Variants in CELSR2 observed in about 807,000 individuals in gnomAD.
The protein encoded by CELSR2 is EGF-like protein 2.
Under a neutral mutation model 251.6 loss-of-function variants are expected in CELSR2, and 81 were observed. That is an observed-to-expected ratio of 0.32 (90% confidence interval 0.27 to 0.39). The LOEUF is 0.39. Ranked by LOEUF, CELSR2 falls within the 10% of genes least tolerant of loss-of-function variation. CELSR2 has a pLI of 1.00. For synonymous variants in CELSR2, 1,721 were observed against 1,670.5 expected, an observed-to-expected ratio of 1.03 and a Z score of -0.74; for missense variants, 3,365 against 3,947.7, an observed-to-expected ratio of 0.85 and a Z score of 3.96.
In CELSR2 at chr1:109,261,283, G is replaced by A; in HGVS notation, c.4181+19G>A. On this transcript the variant is annotated intron_variant, in intron 3 of 33. Transcript: ENST00000271332. This position sits in a 1 kb window ranked among gnomAD's most constrained non-coding sequence, Gnocchi z 4.8. ...CCCTCTCGTGAGTGGCTGGGCACTG[G>A]GGGTGGGGAGTGGGCCTGGTGGGCA... The A allele has an allele frequency of 1.9e-6, 3 of 1,607,674 alleles. No homozygotes were observed. Among genetic ancestry groups the A allele is most frequent in the East Asian group, 2.2e-5 (1 of 44,834 alleles).
intron 8 of CELSR2, 28 bp downstream of exon 8, chr1:109,263,295 A>G (rs1165216335): frequency 6.4e-7 from 1 of 1,553,702 alleles, no homozygotes; most frequent in East Asian, 2.3e-5. Flanking sequence ...TAGAGGCCAC[A>G]GCCTGGGTGC....
At chr1:109,266,389 C>T (rs1656187591) in intron 15 of CELSR2, 183 bp downstream of exon 15, 2 of 678,380 alleles carry the variant, frequency 2.9e-6, no homozygotes, top group East Asian at 2.9e-5. Flanking sequence ...GGTGTGCCTA[C>T]ATCTTGGACT....
chr1:109,272,845 A>G lies in CELSR2; in HGVS notation c.8156A>G (p.Asp2719Gly), dbSNP rs757536847. Reference protein sequence around the residue: ...GQDQQHDPDTDSDSDLSLEDD... With the variant: ...GQDQQHDPDTGSDSDLSLEDD... ...CCTGGCCTCCTAGATCCTGACACGGACTCCGACAGTGACCTGTCCTTAGAA... is the reference window on the plus strand; with the variant it reads ...CCTGGCCTCCTAGATCCTGACACGGGCTCCGACAGTGACCTGTCCTTAGAA... The change falls in exon 31 of 34, where the codon GAC becomes GGC. Residue 2719 changes from aspartate (D) to glycine (G), a missense_variant. Asp to Gly is a moderately conservative substitution (Grantham distance 94). Transcript: ENST00000271332. 21 of 1,612,786 alleles carry G rather than the reference A, an allele frequency of 1.3e-5. No individual in the cohort carries two copies. The highest frequency in any genetic ancestry group is 1.8e-5 in the Non-Finnish European group (21 of 1,179,326).
chr1:109,270,791 A>G lies in CELSR2; in HGVS notation c.7484-136A>G. 4 of 990,252 alleles carry G rather than the reference A, an allele frequency of 4.0e-6. No individual in the cohort carries two copies. In the East Asian group the frequency reaches 9.7e-5, roughly 24 times the overall value. 61.3% of individuals were successfully genotyped at this position (990,252 alleles called of 1,614,324 possible). A position where few individuals can be genotyped will look rare whatever the true frequency, so the allele number is the denominator to read the frequency against. Reference sequence around the variant, plus strand: ...CAGGCGTCACTCCCTTATCCTGGGGAGATCGGTAGGGGCCGATGGTGGGCA... The same window carrying G: ...CAGGCGTCACTCCCTTATCCTGGGGGGATCGGTAGGGGCCGATGGTGGGCA... On this transcript the variant is annotated intron_variant, in intron 24 of 33. Coordinates refer to ENST00000271332, the MANE Select transcript of CELSR2 (RefSeq NM_001408.3).
chr1:109,263,191 G>C lies in CELSR2; in HGVS notation c.4758G>C (p.Gly1586=), dbSNP rs746382176. 1.6e-5 allele frequency: 25 copies of C among 1,600,344 alleles called. No individual in the cohort carries two copies. The East Asian group carries it at 4.3e-4, about 27-fold the overall frequency. Residue 1586 remains glycine (G), a synonymous_variant, in exon 8 of 34, where the codon GGG becomes GGC. Coordinates refer to ENST00000271332, the MANE Select transcript of CELSR2 (RefSeq NM_001408.3). ...NVCDSNTCHN[G]GTCVNQWDAF... ...GTGACAGCAACACTTGCCACAATGG[G>C]GGCACTTGCGTGAACCAGTGGGACG... is the stretch of plus-strand genomic sequence containing the variant.
rs938856010 is a variant in CELSR2 at position 109,252,289 on chromosome 1, C to G, written c.2210C>G (p.Thr737Arg). Reference protein sequence around the residue: ...AGTTVVLISATDEDTGENARI... With the variant: ...AGTTVVLISARDEDTGENARI... ...ACCACGGTGGTGCTGATCAGCGCCACGGATGAGGACACAGGTGAGAATGCC... is the reference window on the plus strand; with the variant it reads ...ACCACGGTGGTGCTGATCAGCGCCAGGGATGAGGACACAGGTGAGAATGCC... Residue 737 changes from threonine to arginine, a missense_variant, in exon 1 of 34, where the codon ACG becomes AGG. Thr to Arg is a moderately conservative substitution (Grantham distance 71). This residue lies in a region of CELSR2 where 505 missense variants were observed against 660.0 expected (regional missense o/e 0.77). Transcript: ENST00000271332. The surrounding 1 kb of genome is among the most constrained non-coding windows in gnomAD (Gnocchi z 4.8). 6.2e-7 allele frequency: 1 copy of G among 1,613,242 alleles called. No homozygotes were observed. The highest frequency in any genetic ancestry group is 1.1e-5 in the South Asian group (1 of 91,080).
intron 29 of CELSR2, 76 bp from the exon 30 acceptor site, chr1:109,272,564 T>TC: frequency 6.6e-7 from 1 of 1,512,556 alleles, no homozygotes; most frequent in East Asian, 2.3e-5. Flanking sequence ...GGAACCAGGA[T>TC]CCCAGGGGAG....
Position 109,251,859 on chromosome 1 carries a change from GC to G in CELSR2, c.1782del (p.Ser595ValfsTer4). 1 of 1,614,070 alleles carries G rather than the reference GC, an allele frequency of 6.2e-7. No individual in the cohort carries two copies. Among genetic ancestry groups the G allele is most frequent in the Non-Finnish European group, 8.5e-7 (1 of 1,180,010 alleles). On this transcript the variant is annotated frameshift_variant, in exon 1 of 34. Transcript: ENST00000271332. LOFTEE classifies it high-confidence loss of function. This position sits in a 1 kb window ranked among gnomAD's most constrained non-coding sequence, Gnocchi z 4.9. ...TGGCACTCCAGCACTCACTGCCTCG[GC>G]CAGTGTCAGCGTGACTGTCCTGGAT... The part of the protein sequence containing the change: ...DHGTPALTAS[A>X]SVSVTVLDVN...
rs1399632345 is a variant in CELSR2 at position 109,275,495 on chromosome 1, T to C, written c.*1446T>C. On this transcript the variant is annotated 3_prime_UTR_variant, in exon 34 of 34. Coordinates refer to ENST00000271332, the MANE Select transcript of CELSR2 (RefSeq NM_001408.3). The stretch of plus-strand genomic sequence containing the variant: ...GAAAGAAAGGCTCCTGTTTCTCATT[T>C]GTGAGGCCAGCCTCTGGCTTTTCTG... 1.3e-5 allele frequency: 2 copies of C among 151,994 alleles called. No individual in the cohort carries two copies. The highest frequency in any genetic ancestry group is 4.8e-5 in the African/African-American group (2 of 41,376). 9.4% of individuals were successfully genotyped at this position (151,994 alleles called of 1,614,324 possible). A position where few individuals can be genotyped will look rare whatever the true frequency, so the allele number is the denominator to read the frequency against.
At chr1:109,257,762 T>C (rs1655898109) in intron 1 of CELSR2, among the ~76,000 whole-genome samples, 1 of 152,138 alleles carries the variant, frequency 6.6e-6, no homozygotes, top group South Asian at 2.1e-4. Context: ...CAGTGGGTGA[T>C]GATGTCACTG....
chr1:109,273,836 C>T lies in CELSR2; in HGVS notation c.8744+166C>T, dbSNP rs1570797041. ...ATGCCGTGCCCACAAACCATGGTGCCTTGCGGGGAGGGCCACCCCTCCTAG... is the reference window on the plus strand; with the variant it reads ...ATGCCGTGCCCACAAACCATGGTGCTTTGCGGGGAGGGCCACCCCTCCTAG... On this transcript the variant is annotated intron_variant, in intron 33 of 33. Transcript: ENST00000271332. 4 of 1,029,762 alleles carry T rather than the reference C, an allele frequency of 3.9e-6. No individual in the cohort carries two copies. The East Asian group carries it at 9.7e-5, about 25-fold the overall frequency. The allele number at this position is 1,029,762 out of a possible 1,614,324, so 63.8% of individuals were successfully genotyped here.
In CELSR2 at chr1:109,251,537, T is replaced by C. The variant is rs772880054; in HGVS notation, c.1458T>C (p.Asn486=). 6.2e-7 allele frequency: 1 copy of C among 1,613,720 alleles called. No individual in the cohort carries two copies. ...AQDGGRPPLS[N]VSGLVTVQVL... Reference sequence around the variant, plus strand: ...ATGGTGGCCGTCCCCCACTCTCTAATGTCTCTGGCTTGGTGACAGTACAGG... The same window carrying C: ...ATGGTGGCCGTCCCCCACTCTCTAACGTCTCTGGCTTGGTGACAGTACAGG... Residue 486 remains asparagine, a synonymous_variant, in exon 1 of 34, where the codon AAT becomes AAC. Transcript: ENST00000271332. The surrounding 1 kb of genome is among the most constrained non-coding windows in gnomAD (Gnocchi z 4.9).
chr1:109,263,894 G>A (rs1367202531), intron 9 of CELSR2, 117 bp downstream of exon 9: 11 of 1,417,492 alleles, frequency 7.8e-6, no homozygotes, highest in East Asian at 7.2e-5. Context: ...TATAGAGGCC[G>A]CTGGATCCGT....
In CELSR2 at chr1:109,252,355, G is replaced by T; in HGVS notation, c.2276G>T (p.Arg759Leu). ...ATGGAGGACAGCATCCCCCAGTTCC[G>T]CATCGATGCAGACACGGGGGCTGTC... is the stretch of plus-strand genomic sequence containing the variant. ...YFMEDSIPQF[R>L]IDADTGAVTT... The change falls in exon 1 of 34, where the codon CGC becomes CTC. Residue 759 changes from arginine (R) to leucine (L), a missense_variant. This residue lies in a region of CELSR2 where 505 missense variants were observed against 660.0 expected (regional missense o/e 0.77). Transcript: ENST00000271332. This position sits in a 1 kb window ranked among gnomAD's most constrained non-coding sequence, Gnocchi z 4.8. The T allele has an allele frequency of 1.2e-6, 2 of 1,612,892 alleles. No homozygotes were observed. The highest frequency in any genetic ancestry group is 1.1e-5 in the South Asian group (1 of 91,082).
rs1444475199 is a variant in CELSR2 at position 109,270,923 on chromosome 1, C to A, written c.7484-4C>A. On this transcript the variant is annotated splice_polypyrimidine_tract_variant and splice_region_variant and intron_variant, in intron 24 of 33. Transcript: ENST00000271332. Reference sequence around the variant, plus strand: ...CACTGCTCCCGTCTGTCTCCATGCTCCAGGGCTAGCCGTGGGCCTGGACCC... The same window carrying A: ...CACTGCTCCCGTCTGTCTCCATGCTACAGGGCTAGCCGTGGGCCTGGACCC... The A allele has an allele frequency of 1.9e-6, 3 of 1,609,658 alleles. No individual in the cohort carries two copies. The highest frequency in any genetic ancestry group is 2.2e-5 in the East Asian group (1 of 44,858).
Position 109,273,443 on chromosome 1 carries a change from TAAG to T in CELSR2, c.8524_8526del (p.Lys2842del), listed in dbSNP as rs756748774. 2.7e-5 allele frequency: 44 copies of T among 1,611,606 alleles called. No individual in the cohort carries two copies. The highest frequency in any genetic ancestry group is 2.0e-4 in the Admixed American group (12 of 59,842). ...CCCCGCCCCGGCCCACAGGCATCCT[TAAG>T]AAGAAGTGTCTGCCCACCATCAGCG... On this transcript the variant is annotated inframe_deletion, in exon 33 of 34. Coordinates refer to ENST00000271332, the MANE Select transcript of CELSR2 (RefSeq NM_001408.3).
intron 23 of CELSR2, 105 bp downstream of exon 23, chr1:109,270,238 C>T (rs1351801744): frequency 7.5e-7 from 1 of 1,333,878 alleles, no homozygotes; most frequent in African/African-American, 1.4e-5. Context: ...AATAAGGTGC[C>T]TAGTGCAGCA....
chr1:109,274,074 G>T lies in CELSR2; in HGVS notation c.*25G>T, dbSNP rs376758757. On this transcript the variant is annotated 3_prime_UTR_variant, in exon 34 of 34. Coordinates refer to ENST00000271332, the MANE Select transcript of CELSR2 (RefSeq NM_001408.3). The stretch of plus-strand genomic sequence containing the variant: ...ACCCTGGGCCGTGGTTCCTACGCCC[G>T]AGGCTCCCTTCCCTTCCCCAGCCGC... 20 of 1,613,796 alleles carry T rather than the reference G, an allele frequency of 1.2e-5. No homozygotes were observed. The highest frequency in any genetic ancestry group is 1.7e-5 in the Non-Finnish European group (20 of 1,179,986).
chr1:109,264,849 C>T lies in CELSR2; in HGVS notation c.5465-19C>T. 6.2e-7 allele frequency: 1 copy of T among 1,614,152 alleles called. No individual in the cohort carries two copies. The highest frequency in any genetic ancestry group is 8.5e-7 in the Non-Finnish European group (1 of 1,180,002). ...GGGGAGGGTGGGGGAATGAGCCTCT[C>T]TGGTCCTTCTGGTCCCAGGTTACTA... On this transcript the variant is annotated intron_variant, in intron 11 of 33. Transcript: ENST00000271332.
Sources: allele counts gnomAD v4.1 joint callset (sites outside exome capture counted in the v4.1 genomes callset), GRCh38; gene constraint gnomAD v4.1.1; regional missense constraint gnomAD v4.1.1; non-coding constraint Gnocchi (gnomAD v3.1); transcripts MANE v1.5; gene names NCBI Gene and HGNC (gene_info 2026-07-23, HGNC 2026-07-21).